Variants in FAM185A observed in about 807,000 individuals in gnomAD.
FAM185A encodes protein FAM185A.
FAM185A carries 21 observed loss-of-function variants against 45.7 expected under a neutral mutation model. The observed-to-expected ratio is 0.46, with a 90% CI of 0.33 to 0.66. The LOEUF is 0.66. FAM185A is among the 30% of genes least tolerant of loss of function. The pLI is 0.03. For missense variants in FAM185A, 305 were observed against 485.4 expected (o/e 0.63, Z 3.49); for synonymous variants, 117 against 194.0 (o/e 0.60, Z 3.30).
the FAM185A span, chr7:102,832,804 A>C: frequency 6.2e-7 from 1 of 1,612,830 alleles, no homozygotes; most frequent in Non-Finnish European, 8.5e-7. Flanking sequence ...GCAGTGCTTA[A>C]ATTGGATGTG....
chr7:102,800,514 G>T (rs940416869), intron 7 of FAM185A, among the ~76,000 whole-genome samples: 2 of 152,086 alleles, frequency 1.3e-5, no homozygotes, highest in African/African-American at 4.8e-5. Context: ...TAAGTGAAGG[G>T]AGAAATATTC....
chr7:102,782,931 G>C (rs1795501252), intron 6 of FAM185A, among the ~76,000 whole-genome samples: 1 of 150,708 alleles, frequency 6.6e-6, no homozygotes, highest in African/African-American at 2.5e-5. Context: ...ACACACATAG[G>C]CTCAAAATAA....
At chr7:102,756,580 C>T (rs1304471510) in intron 2 of FAM185A, among the ~76,000 whole-genome samples, 3 of 152,078 alleles carry the variant, frequency 2.0e-5, no homozygotes, top group Non-Finnish European at 4.4e-5. Flanking sequence ...TCGCTTGAAC[C>T]CAGGAGGTGG....
chr7:102,776,231 A>C (rs1185180381), intron 5 of FAM185A, among the ~76,000 whole-genome samples: 1 of 151,190 alleles, frequency 6.6e-6, no homozygotes, highest in Non-Finnish European at 1.5e-5. Context: ...TATGCTTTTT[A>C]AGAGGCCTCT....
chr7:102,785,923 T>C (rs1161770636), intron 6 of FAM185A, among the ~76,000 whole-genome samples: 3 of 152,188 alleles, frequency 2.0e-5, no homozygotes, highest in Admixed American at 6.5e-5. Flanking sequence ...TTTTTTGCAA[T>C]CTACTCTTCT....
At chr7:102,800,854 C>T (rs185530740) in intron 7 of FAM185A, among the ~76,000 whole-genome samples, 4 of 152,240 alleles carry the variant, frequency 2.6e-5, no homozygotes, top group African/African-American at 9.6e-5. Flanking sequence ...TGCTAGAGAC[C>T]TAGACATCCA....
chr7:102,793,525 T>A (rs1484275729), intron 7 of FAM185A, among the ~76,000 whole-genome samples: 1 of 152,024 alleles, frequency 6.6e-6, no homozygotes, highest in Non-Finnish European at 1.5e-5. Context: ...ATGGTGTTTT[T>A]ATTTCCCCAC....
the FAM185A span, among the ~76,000 whole-genome samples, chr7:102,841,332 G>A: frequency 2.6e-5 from 4 of 151,838 alleles, no homozygotes; most frequent in African/African-American, 9.7e-5. Context: ...AGTGGGAGAG[G>A]GCTCCTACGG....
intron 6 of FAM185A, 107 bp from the exon 7 acceptor site, chr7:102,787,227 TA>T (rs1324894771): frequency 1.1e-5 from 11 of 958,434 alleles, no homozygotes; most frequent in Non-Finnish European, 1.6e-5. Flanking sequence ...TGCTGAGGAG[TA>T]AAAACAGTGT....
At chr7:102,842,343 G>A in the FAM185A span, among the ~76,000 whole-genome samples, 16 of 152,114 alleles carry the variant, frequency 1.1e-4, no homozygotes, top group East Asian at 7.7e-4. Flanking sequence ...AAAACAAATA[G>A]AAATCAATGT....
intron 4 of FAM185A, among the ~76,000 whole-genome samples, chr7:102,763,526 A>G (rs1392228721): frequency 6.6e-6 from 1 of 152,170 alleles, no homozygotes; most frequent in African/African-American, 2.4e-5. Context: ...AGTTTCAGTA[A>G]CCCACACGGA....
the FAM185A span, among the ~76,000 whole-genome samples, chr7:102,835,452 T>C: frequency 0.01 from 1,543 of 152,272 alleles, 28 homozygotes; most frequent in African/African-American, 0.035. Flanking sequence ...ATCTGCTAGC[T>C]TTCATATCCC....
chr7:102,813,344 A>G (rs1452484709), downstream of FAM185A: 2 of 1,604,450 alleles, frequency 1.2e-6, no homozygotes, highest in Non-Finnish European at 8.5e-7. Context: ...GCTGAAGGTC[A>G]CGCTGCTTGG....
At chr7:102,757,687 T>A (rs1393635956) in intron 2 of FAM185A, among the ~76,000 whole-genome samples, 167 bp from the exon 3 acceptor site, 1 of 152,166 alleles carries the variant, frequency 6.6e-6, no homozygotes, top group Non-Finnish European at 1.5e-5. Flanking sequence ...CAGTTGACAT[T>A]TTTTTCCAGT....
At chr7:102,763,705 G>GGGCT (rs1794230551) in intron 4 of FAM185A, among the ~76,000 whole-genome samples, 1 of 152,192 alleles carries the variant, frequency 6.6e-6, no homozygotes, top group South Asian at 2.1e-4. Flanking sequence ...TGACAGCTGA[G>GGGCT]GGCTGTCTGC....
chr7:102,848,707 C>T, the FAM185A span, among the ~76,000 whole-genome samples: 2 of 150,956 alleles, frequency 1.3e-5, no homozygotes, highest in African/African-American at 4.9e-5. Flanking sequence ...TAAAAAGCAA[C>T]CAGAGGCCAG....
At chr7:102,843,971 G>C in the FAM185A span, among the ~76,000 whole-genome samples, 1 of 152,090 alleles carries the variant, frequency 6.6e-6, no homozygotes, top group South Asian at 2.1e-4. Context: ...TGCTGACCTA[G>C]GTTACACCCT....
downstream of FAM185A, among the ~76,000 whole-genome samples, chr7:102,811,986 CTT>C (rs1425125676): frequency 2.0e-5 from 3 of 152,176 alleles, no homozygotes; most frequent in Non-Finnish European, 2.9e-5. Flanking sequence ...CTTTTTAAAA[CTT>C]TTCAAAATAA....
chr7:102,847,350 A>C, the FAM185A span, among the ~76,000 whole-genome samples: 73 of 152,346 alleles, frequency 4.8e-4, no homozygotes, highest in African/African-American at 1.7e-3. Context: ...ATTGGAATAA[A>C]AATTAGGACT....
Sources: gnomAD v4.1 joint callset for allele counts (sites outside exome capture counted in the v4.1 genomes callset) on GRCh38, gnomAD v4.1.1 for gene constraint, MANE v1.5 for transcripts, NCBI Gene and HGNC (gene_info 2026-07-23, HGNC 2026-07-21) for gene names.